AIMP2: variants seen among roughly 807,000 people sequenced by gnomAD.
The protein encoded by AIMP2 is aminoacyl tRNA synthetase complex interacting multifunctional protein 2, also known as aminoacyl tRNA synthase complex-interacting multifunctional protein 2.
AIMP2 carries 20 observed loss-of-function variants against 23.4 expected under a neutral mutation model. The observed-to-expected ratio is 0.85, with a 90% CI of 0.60 to 1.24. The LOEUF (loss-of-function observed/expected upper bound fraction) is 1.24. AIMP2 is among the 50% of genes most tolerant of loss of function. The pLI is 0.00. For synonymous variants in AIMP2, 210 were observed against 170.4 expected, an observed-to-expected ratio of 1.23 and a Z score of -1.81; for missense variants, 515 against 414.5, an observed-to-expected ratio of 1.24 and a Z score of -2.10.
intron 3 of AIMP2, chr7:6,022,598 T>C (rs3801030): frequency 0.21 from 32,016 of 152,200 alleles, 3,629 homozygotes; most frequent in Middle Eastern, 0.33. Flanking sequence ...TGTGGGATAG[T>C]TCTAGAGGAG....
In AIMP2 at chr7:6,017,934, C is replaced by G; in HGVS notation, c.463C>G (p.His155Asp). 2 of 1,614,070 alleles carry G rather than the reference C, an allele frequency of 1.2e-6. No homozygotes were observed. The highest frequency in any genetic ancestry group is 1.7e-6 in the Non-Finnish European group (2 of 1,180,020). The change falls in exon 3 of 4, where the codon CAC (histidine) becomes GAC (aspartate). Residue 155 changes from histidine (H) to aspartate (D), a missense_variant. Transcript: ENST00000223029. ...HFRVLSTVHT[H>D]SSVKSVPENL... ...CAGGGTCCTGTCCACGGTGCACACG[C>G]ACTCCTCGGTCAAGAGCGTGCCTGA...
chr7:6,021,338 CAA>C (rs563523048), intron 3 of AIMP2, among the ~76,000 whole-genome samples: 45 of 65,952 alleles, frequency 6.8e-4, no homozygotes, highest in South Asian at 2.9e-3. Flanking sequence ...GACTCCATCT[CAA>C]AAAAAAAAAA....
In AIMP2 at chr7:6,017,843, C is replaced by T. The variant is rs762237456; in HGVS notation, c.372C>T (p.Ile124=). 6.2e-7 allele frequency: 1 copy of T among 1,614,002 alleles called. No individual in the cohort carries two copies. Among genetic ancestry groups the T allele is most frequent in the Non-Finnish European group, 8.5e-7 (1 of 1,179,984 alleles). ...ACGGGGCGCTGAAAGACATCGTGAT[C>T]AACGCAAACCCGGCCTCCCCTCCCC... is the stretch of plus-strand genomic sequence containing the variant. The part of the protein sequence containing the change: ...KDYGALKDIV[I]NANPASPPLS... Residue 124 remains isoleucine (I), a synonymous_variant, in exon 3 of 4, where the codon ATC becomes ATT. Transcript: ENST00000223029.
At position 6,009,446 on chromosome 7, in the gene AIMP2, C is replaced by T; in HGVS notation, c.83C>T (p.Pro28Leu). 1 of 1,610,702 alleles carries T rather than the reference C, an allele frequency of 6.2e-7. No individual in the cohort carries two copies. The part of the protein sequence containing the change: ...VELPTCMYRL[P>L]NVHGRSYGPA... ...CTTCCCACCTGCATGTACCGGCTCC[C>T]CAACGTGCACGGCAGGAGCTACGGC... The change falls in exon 1 of 4, where the codon CCC (proline) becomes CTC (leucine). Residue 28 changes from proline to leucine, a missense_variant. Physicochemically the swap from Pro to Leu is moderately conservative, Grantham distance 98 (BLOSUM62 -3). Coordinates refer to ENST00000223029, the MANE Select transcript of AIMP2 (RefSeq NM_006303.4).
intron 1 of AIMP2, among the ~76,000 whole-genome samples, chr7:6,010,807 G>GT (rs35316507): frequency 0.49 from 70,499 of 143,324 alleles, 18,333 homozygotes; most frequent in African/African-American, 0.71. Flanking sequence ...GTGTCTGGGT[G>GT]TTTTTTTTTT....
At chr7:6,015,418 G>T (rs1226206131) in intron 2 of AIMP2, 66 bp downstream of exon 2, 2 of 1,551,162 alleles carry the variant, frequency 1.3e-6, no homozygotes, top group Non-Finnish European at 1.8e-6. Context: ...AAATTGTGCT[G>T]CTGTGATTAA....
rs563884789 is a variant in AIMP2 at position 6,009,428 on chromosome 7, C to T, written c.65C>T (p.Thr22Ile). 1.9e-6 allele frequency: 3 copies of T among 1,611,308 alleles called. No individual in the cohort carries two copies. The highest frequency in any genetic ancestry group is 2.2e-5 in the East Asian group (1 of 44,834). The change falls in exon 1 of 4, where the codon ACC (threonine) becomes ATC (isoleucine). Residue 22 changes from threonine to isoleucine, a missense_variant. Transcript: ENST00000223029. The stretch of plus-strand genomic sequence containing the variant: ...GCGCCTCTCCGTGTGGAGCTTCCCA[C>T]CTGCATGTACCGGCTCCCCAACGTG... ...GGAPLRVELP[T>I]CMYRLPNVHG...
chr7:6,023,778 C>CA lies in AIMP2; in HGVS notation c.*88dup, dbSNP rs749187455. The CA allele has an allele frequency of 6.2e-7, 1 of 1,603,010 alleles. No individual in the cohort carries two copies. Among genetic ancestry groups the CA allele is most frequent in the Admixed American group, 1.7e-5 (1 of 58,074 alleles). On this transcript the variant is annotated 3_prime_UTR_variant, in exon 4 of 4. Transcript: ENST00000223029. ...TCAGTAAGGGGACTTGTATTAGAGTCAGAGTCTTTTTATTTAGGCCAGTTG... is the reference window on the plus strand; with the variant it reads ...TCAGTAAGGGGACTTGTATTAGAGTCAAGAGTCTTTTTATTTAGGCCAGTTG...
In AIMP2 at chr7:6,015,267, A is replaced by C. The variant is rs1426951342; in HGVS notation, c.257A>C (p.Asp86Ala). The change falls in exon 2 of 4, where the codon GAC becomes GCC. Residue 86 changes from aspartate to alanine, a missense_variant. Physicochemically the swap from Asp to Ala is moderately radical, Grantham distance 126 (BLOSUM62 -2). Transcript: ENST00000223029. ...AAGATGATTCAAACACCAGATGCAGACTTGGATGTAACCAACATAATCCAA... is the reference window on the plus strand; with the variant it reads ...AAGATGATTCAAACACCAGATGCAGCCTTGGATGTAACCAACATAATCCAA... ...LSKMIQTPDA[D>A]LDVTNIIQAD... The C allele has an allele frequency of 2.5e-6, 4 of 1,614,100 alleles. No individual in the cohort carries two copies. In the African/African-American group the frequency reaches 4.0e-5, roughly 16 times the overall value.
chr7:6,009,991 A>ATATATATATAATATATATATAATT (rs1562717690), intron 1 of AIMP2, among the ~76,000 whole-genome samples: 1 of 113,532 alleles, frequency 8.8e-6, no homozygotes, highest in African/African-American at 3.3e-5. Context: ...ATATATATAT[A>ATATATATATAATATATATATAATT]TGTATGTATC....
intron 3 of AIMP2, chr7:6,022,139 G>C (rs751371984): frequency 6.6e-6 from 1 of 152,148 alleles, no homozygotes; most frequent in Non-Finnish European, 1.5e-5. Flanking sequence ...GCAGTGGTGC[G>C]ATCATAGCTC....
intron 1 of AIMP2, 191 bp from the exon 2 acceptor site, chr7:6,014,955 G>A (rs375838025): frequency 1.5e-6 from 2 of 1,296,510 alleles, no homozygotes; most frequent in South Asian, 1.5e-5. Context: ...CCTGACGTCA[G>A]ATGATCTGCC....
chr7:6,017,963 C>G lies in AIMP2; in HGVS notation c.492C>G (p.Asn164Lys). The G allele has an allele frequency of 1.9e-6, 3 of 1,614,058 alleles. No individual in the cohort carries two copies. The highest frequency in any genetic ancestry group is 2.5e-6 in the Non-Finnish European group (3 of 1,180,014). Residue 164 changes from asparagine to lysine, a missense_variant, in exon 3 of 4, where the codon AAC (asparagine) becomes AAG (lysine). Coordinates refer to ENST00000223029, the MANE Select transcript of AIMP2 (RefSeq NM_006303.4). ...CCTCGGTCAAGAGCGTGCCTGAAAA[C>G]CTTCTCAAGTGCTTTGGAGAACAGA... ...THSSVKSVPE[N>K]LLKCFGEQNK... is the part of the protein sequence containing the mutation.
At chr7:6,020,556 C>A (rs1334019730) in intron 3 of AIMP2, among the ~76,000 whole-genome samples, 1 of 152,160 alleles carries the variant, frequency 6.6e-6, no homozygotes, top group East Asian at 1.9e-4. Flanking sequence ...GGTGAAAGAT[C>A]TAAAGCTGGA....
rs200566166 is a variant in AIMP2, at chr7:6,018,003, C to G, written c.532C>G (p.Arg178Gly). The G allele has an allele frequency of 8.1e-6, 13 of 1,614,020 alleles. No homozygotes were observed. Among genetic ancestry groups the G allele is most frequent in the Non-Finnish European group, 5.9e-6 (7 of 1,180,010 alleles). Residue 178 changes from arginine (R) to glycine (G), a missense_variant, in exon 3 of 4, where the codon CGC becomes GGC. Physicochemically the swap from Arg to Gly is moderately radical, Grantham distance 125. Coordinates refer to ENST00000223029, the MANE Select transcript of AIMP2 (RefSeq NM_006303.4). ...CFGEQNKKQP[R>G]QDYQLGFTLI... ...TGGAGAACAGAATAAAAAACAGCCC[C>G]GCCAAGACTATCAGCTGGGATTCAC...
At chr7:6,010,760 GTCT>G (rs1213748653) in intron 1 of AIMP2, among the ~76,000 whole-genome samples, 6 of 151,294 alleles carry the variant, frequency 4.0e-5, no homozygotes, top group African/African-American at 1.5e-4. Flanking sequence ...CTAAACAATA[GTCT>G]TCATATAGGT....
intron 3 of AIMP2, among the ~76,000 whole-genome samples, chr7:6,020,072 A>C (rs1787287280): frequency 1.3e-5 from 2 of 151,552 alleles, no homozygotes; most frequent in South Asian, 4.2e-4. Flanking sequence ...TAGCTGCACC[A>C]GGAGGTGCAA....
At position 6,009,460 on chromosome 7, in the gene AIMP2, A is replaced by G. The variant is rs1222419962; in HGVS notation, c.97A>G (p.Arg33Gly). Residue 33 changes from arginine to glycine, a missense_variant, in exon 1 of 4, where the codon AGG (arginine) becomes GGG (glycine). Physicochemically the swap from Arg to Gly is moderately radical, Grantham distance 125 (BLOSUM62 -2). Transcript: ENST00000223029. Reference sequence around the variant, plus strand: ...GTACCGGCTCCCCAACGTGCACGGCAGGAGCTACGGCCCAGCGCCGGGCGC... The same window carrying G: ...GTACCGGCTCCCCAACGTGCACGGCGGGAGCTACGGCCCAGCGCCGGGCGC... The part of the protein sequence containing the change: ...CMYRLPNVHG[R>G]SYGPAPGAGH... 76 of 1,609,226 alleles carry G rather than the reference A, an allele frequency of 4.7e-5. No individual in the cohort carries two copies. Among genetic ancestry groups the G allele is most frequent in the Non-Finnish European group, 6.2e-5 (73 of 1,179,104 alleles).
At chr7:6,020,916 T>C (rs1298841675) in intron 3 of AIMP2, among the ~76,000 whole-genome samples, 1 of 152,224 alleles carries the variant, frequency 6.6e-6, no homozygotes, top group Non-Finnish European at 1.5e-5. Flanking sequence ...ATAAAACTGC[T>C]AACACCTGAG....
Sources: allele counts gnomAD v4.1 joint callset (sites outside exome capture counted in the v4.1 genomes callset), GRCh38; gene constraint gnomAD v4.1.1; transcripts MANE v1.5; gene names NCBI Gene and HGNC (gene_info 2026-07-23, HGNC 2026-07-21).